The following UNC5D variants were observed in gnomAD, a reference collection of about 807,000 sequenced individuals.
The protein encoded by UNC5D is unc-5 netrin receptor D.
UNC5D carries 39 observed loss-of-function variants against 105.4 expected under a neutral mutation model. That is an observed-to-expected ratio of 0.37 (90% CI 0.29 to 0.48). UNC5D has a LOEUF of 0.48. Ranked by LOEUF, UNC5D falls within the 20% of genes least tolerant of loss-of-function variation. The pLI, the probability that UNC5D is intolerant of heterozygous loss-of-function variation, is 0.98. For synonymous variants in UNC5D, 452 were observed against 450.4 expected (o/e 1.00, Z -0.04); for missense variants, 991 against 1,202.4 (o/e 0.82, Z 2.60).
chr8:35,730,112 G>C (rs570889736), intron 10 of UNC5D, among the ~76,000 whole-genome samples: 1 of 152,272 alleles, frequency 6.6e-6, no homozygotes, highest in Admixed American at 6.5e-5. Context: ...AGGTTGCCTT[G>C]AGATTTTATT....
Position 35,444,741 on chromosome 8 carries a change from A to G in UNC5D, c.104-104551A>G, listed in dbSNP as rs182214503. Among the ~76,000 whole-genome samples, 20 of 152,088 alleles carry G rather than the reference A, an allele frequency of 1.3e-4. No individual in the cohort carries two copies. In the East Asian group the frequency reaches 3.7e-3, roughly 28 times the overall value. On this transcript the variant is annotated intron_variant, in intron 1 of 16. Transcript: ENST00000404895. ...AAGACTCTTTGACTCCTAGGTTTCT[A>G]TTATTTCAACTACACTTATGCTTCC...
At chr8:35,572,804 C>CTTTTT (rs34528421) in intron 3 of UNC5D, among the ~76,000 whole-genome samples, 1 of 135,888 alleles carries the variant, frequency 7.4e-6, no homozygotes, top group African/African-American at 2.7e-5. Context: ...TTTTATATTT[C>CTTTTT]TTTTTTTTTT....
chr8:35,774,207 G>A (rs996237937), intron 15 of UNC5D, 92 bp from the exon 16 acceptor site: 2 of 1,435,078 alleles, frequency 1.4e-6, no homozygotes, highest in Non-Finnish European at 9.6e-7. Flanking sequence ...TTTTGTGCAT[G>A]TGTGTTAACC....
At chr8:35,721,928 A>C (rs537132033) in intron 8 of UNC5D, among the ~76,000 whole-genome samples, 28 of 152,236 alleles carry the variant, frequency 1.8e-4, no homozygotes, top group Non-Finnish European at 3.7e-4. Flanking sequence ...CTAGAAAAAA[A>C]CATTATTTTC....
At chr8:35,264,162 C>T (rs1286752965) in intron 1 of UNC5D, among the ~76,000 whole-genome samples, 7 of 152,230 alleles carry the variant, frequency 4.6e-5, no homozygotes, top group Admixed American at 6.5e-5. Context: ...ATCTAGCTAT[C>T]GCATATAAAG....
At chr8:35,390,734 C>A (rs938014850) in intron 1 of UNC5D, among the ~76,000 whole-genome samples, 4 of 152,144 alleles carry the variant, frequency 2.6e-5, no homozygotes, top group Non-Finnish European at 5.9e-5. Context: ...TCAATAGTTT[C>A]TCTTTATGGA....
intron 1 of UNC5D, among the ~76,000 whole-genome samples, chr8:35,380,408 G>A (rs535382351): frequency 6.6e-6 from 1 of 152,164 alleles, no homozygotes; most frequent in East Asian, 1.9e-4. Flanking sequence ...GGGGCATGCA[G>A]CATTCAGTAC....
At chr8:35,322,467 G>C (rs1364422036) in intron 1 of UNC5D, among the ~76,000 whole-genome samples, 1 of 151,954 alleles carries the variant, frequency 6.6e-6, no homozygotes, top group African/African-American at 2.4e-5. Flanking sequence ...GGATTAGCAT[G>C]TGCTTTGAGT....
At chr8:35,716,014 C>G (rs1318476949) in intron 8 of UNC5D, among the ~76,000 whole-genome samples, 1 of 152,104 alleles carries the variant, frequency 6.6e-6, no homozygotes, top group Non-Finnish European at 1.5e-5. Flanking sequence ...GCAAGGAAAG[C>G]CTGGGTGAGG....
At chr8:35,629,530 C>T (rs1304921363) in intron 4 of UNC5D, among the ~76,000 whole-genome samples, 2 of 151,926 alleles carry the variant, frequency 1.3e-5, no homozygotes, top group Non-Finnish European at 2.9e-5. Flanking sequence ...ATAATAGACA[C>T]TAGGACTCCA....
Position 35,630,725 on chromosome 8 carries a change from C to G in UNC5D, c.570+35068C>G, listed in dbSNP as rs1821988247. ...CGGGAAAAAGGCTGCTTAAATCTCC[C>G]CGCATCTACTTTGGCTAACTGGTTA... On this transcript the variant is annotated intron_variant, in intron 4 of 16. Transcript: ENST00000404895. Among the ~76,000 whole-genome samples, 3 of 152,142 alleles carry G rather than the reference C, an allele frequency of 2.0e-5. No homozygotes were observed. The South Asian group carries it at 6.2e-4, about 32-fold the overall frequency.
At chr8:35,598,463 T>C (rs1309193100) in intron 4 of UNC5D, among the ~76,000 whole-genome samples, 1 of 152,152 alleles carries the variant, frequency 6.6e-6, no homozygotes, top group East Asian at 1.9e-4. Flanking sequence ...TGGAAATTGG[T>C]ATAGCCATTA....
chr8:35,490,922 C>A lies in UNC5D; in HGVS notation c.104-58370C>A, dbSNP rs143095844. Among the ~76,000 whole-genome samples the A allele has an allele frequency of 5.5e-3, 826 of 151,370 alleles. 10 individuals carry two copies. Among genetic ancestry groups the A allele is most frequent in the African/African-American group, 0.019 (774 of 41,344 alleles). ...ACTATTTCTGGTCTTTTCTTTTTTT[C>A]ATTTTCATCCACTCACCTATGGAAT... On this transcript the variant is annotated intron_variant, in intron 1 of 16. Coordinates refer to ENST00000404895, the MANE Select transcript of UNC5D (RefSeq NM_080872.4).
intron 4 of UNC5D, among the ~76,000 whole-genome samples, chr8:35,607,499 T>C (rs1227238138): frequency 6.6e-6 from 1 of 152,176 alleles, no homozygotes; most frequent in Non-Finnish European, 1.5e-5. Context: ...GCTTGTATAC[T>C]GATATGATTG....
At chr8:35,544,610 T>TC in intron 1 of UNC5D, 1 of 1,499,574 alleles carries the variant, frequency 6.7e-7, no homozygotes, top group Non-Finnish European at 8.9e-7. Flanking sequence ...TTTTTTTTTT[T>TC]TTTTTTTTTT....
intron 11 of UNC5D, among the ~76,000 whole-genome samples, chr8:35,744,279 C>A (rs1213978298): frequency 6.6e-6 from 1 of 152,192 alleles, no homozygotes; most frequent in East Asian, 1.9e-4. Flanking sequence ...GGAACGTTAA[C>A]TTGGTCATTC....
At chr8:35,441,110 C>T (rs77543565) in intron 1 of UNC5D, among the ~76,000 whole-genome samples, 326 of 151,988 alleles carry the variant, frequency 2.1e-3, no homozygotes, top group Admixed American at 4.1e-3. Context: ...TAGACCTTGA[C>T]CTAACATTTC....
At chr8:35,775,959 CA>C (rs1802228273) in intron 16 of UNC5D, among the ~76,000 whole-genome samples, 1 of 152,104 alleles carries the variant, frequency 6.6e-6, no homozygotes, top group African/African-American at 2.4e-5. Context: ...TATGAGTGTA[CA>C]GGGGAAAAAA....
intron 14 of UNC5D, among the ~76,000 whole-genome samples, chr8:35,763,541 G>A (rs998789148): frequency 3.3e-5 from 5 of 151,074 alleles, no homozygotes; most frequent in East Asian, 2.0e-4. Flanking sequence ...TCTTGAGTAC[G>A]GTTCTTTGTC....
Sources: gnomAD v4.1 joint callset for allele counts (sites outside exome capture counted in the v4.1 genomes callset) on GRCh38, gnomAD v4.1.1 for gene constraint, MANE v1.5 for transcripts, NCBI Gene and HGNC (gene_info 2026-07-23, HGNC 2026-07-21) for gene names.